The following DCLK2 variants were observed in gnomAD, a reference collection of about 807,000 sequenced individuals.
DCLK2 encodes doublecortin like kinase 2.
DCLK2 carries 31 observed loss-of-function variants against 78.4 expected under a neutral mutation model. The observed-to-expected ratio is 0.40, with a 90% CI of 0.30 to 0.53. The LOEUF (loss-of-function observed/expected upper bound fraction) is 0.53. DCLK2 is among the 20% of genes least tolerant of loss of function. The pLI is 0.61. For synonymous variants in DCLK2, 407 were observed against 374.9 expected (o/e 1.09, Z -0.99); for missense variants, 872 against 973.7 (o/e 0.90, Z 1.39).
At chr4:150,211,774 C>G (rs1320893320) in intron 5 of DCLK2, among the ~76,000 whole-genome samples, 1 of 152,152 alleles carries the variant, frequency 6.6e-6, no homozygotes, top group Admixed American at 6.5e-5. Flanking sequence ...TCTTTTAATG[C>G]TCGTCTTCCT....
chr4:150,102,734 A>G lies in DCLK2; in HGVS notation c.678A>G (p.Gln226=), dbSNP rs925652343. The change falls in exon 2 of 16, where the codon CAA becomes CAG. Residue 226 remains glutamine (Q), a synonymous_variant. Transcript: ENST00000296550. Reference sequence around the variant, plus strand: ...AAAAGACTGCTCATTCCTTTGAACAAGTCTTAACAGATATCACCGAAGCCA... The same window carrying G: ...AAAAGACTGCTCATTCCTTTGAACAGGTCTTAACAGATATCACCGAAGCCA... The part of the protein sequence containing the change: ...LNKKTAHSFE[Q]VLTDITEAIK... 3 of 1,614,164 alleles carry G rather than the reference A, an allele frequency of 1.9e-6. No individual in the cohort carries two copies. Among genetic ancestry groups the G allele is most frequent in the Non-Finnish European group, 2.5e-6 (3 of 1,180,010 alleles).
intron 2 of DCLK2, among the ~76,000 whole-genome samples, chr4:150,191,848 T>C: frequency 6.6e-6 from 1 of 152,224 alleles, no homozygotes; most frequent in South Asian, 2.1e-4. Flanking sequence ...AGCATTGTTT[T>C]CTAACTCTGT....
chr4:150,093,764 GA>G (rs1013013275), intron 1 of DCLK2, among the ~76,000 whole-genome samples: 6 of 151,932 alleles, frequency 3.9e-5, no homozygotes, highest in Non-Finnish European at 5.9e-5. Context: ...TCAATCTTGA[GA>G]AAAAAGAACA....
At chr4:150,155,099 G>A (rs1225771579) in intron 2 of DCLK2, among the ~76,000 whole-genome samples, 1 of 152,176 alleles carries the variant, frequency 6.6e-6, no homozygotes, top group Non-Finnish European at 1.5e-5. Context: ...GGGTGTGGTG[G>A]CATGCACCTG....
intron 2 of DCLK2, among the ~76,000 whole-genome samples, chr4:150,130,593 T>C (rs1733243591): frequency 1.3e-5 from 2 of 151,630 alleles, no homozygotes; most frequent in Admixed American, 1.3e-4. Context: ...AGATGGAGAG[T>C]TAAGTTTAAA....
At chr4:150,185,542 C>T (rs951692159) in intron 2 of DCLK2, among the ~76,000 whole-genome samples, 2 of 151,980 alleles carry the variant, frequency 1.3e-5, no homozygotes, top group East Asian at 1.9e-4. Context: ...GGCAAAACCC[C>T]ACCTCTACTA....
intron 10 of DCLK2, among the ~76,000 whole-genome samples, chr4:150,238,350 C>T (rs542608608): frequency 4.6e-4 from 70 of 152,028 alleles, no homozygotes; most frequent in African/African-American, 1.7e-3. Context: ...TTATGTTGCC[C>T]TTAGTTTTTA....
At chr4:150,104,394 TAAAAAAAAA>T (rs34276664) in intron 2 of DCLK2, among the ~76,000 whole-genome samples, 5 of 29,754 alleles carry the variant, frequency 1.7e-4, no homozygotes, top group East Asian at 3.0e-3. Flanking sequence ...CCACATCTCC[TAAAAAAAAA>T]AAAAAAAAAA....
rs572396602 is a variant in DCLK2 at position 150,088,020 on chromosome 4, A to T, written c.421+8572A>T. Among the ~76,000 whole-genome samples, 28 of 128,178 alleles carry T rather than the reference A, an allele frequency of 2.2e-4. No homozygotes were observed. In the East Asian group the frequency reaches 5.6e-3, roughly 26 times the overall value. 84.1% of individuals were successfully genotyped at this position (128,178 alleles called of 152,430 possible). A position where few individuals can be genotyped will look rare whatever the true frequency, so the allele number is the denominator to read the frequency against. On this transcript the variant is annotated intron_variant, in intron 1 of 15. Coordinates refer to ENST00000296550, the MANE Select transcript of DCLK2 (RefSeq NM_001040260.4). ...CAGAGAAAAACGTTTGCCTCTGAGG[A>T]TGCTACTGGGCCTTCATTTTGGGGT...
intron 2 of DCLK2, among the ~76,000 whole-genome samples, chr4:150,103,838 G>T (rs113060205): frequency 0.016 from 2,471 of 151,854 alleles, 61 homozygotes; most frequent in African/African-American, 0.053. Context: ...GGTAAAATTA[G>T]AATAACATTT....
chr4:150,142,805 ATT>A (rs144401122), intron 2 of DCLK2, among the ~76,000 whole-genome samples: 3 of 148,254 alleles, frequency 2.0e-5, no homozygotes, highest in African/African-American at 4.9e-5. Flanking sequence ...TAAAATGCTG[ATT>A]TTTTTTTTTT....
chr4:150,251,993 T>G (rs1405562760), intron 15 of DCLK2, among the ~76,000 whole-genome samples: 1 of 152,136 alleles, frequency 6.6e-6, no homozygotes, highest in Non-Finnish European at 1.5e-5. Context: ...AGTCTTTTGA[T>G]GGCTTGCAGG....
intron 2 of DCLK2, among the ~76,000 whole-genome samples, chr4:150,172,319 C>A (rs1175457539): frequency 6.6e-6 from 1 of 152,018 alleles, no homozygotes; most frequent in Non-Finnish European, 1.5e-5. Context: ...CTAAAGAAAT[C>A]CTGGCCAGGC....
At chr4:150,081,320 C>T (rs998919833) in intron 1 of DCLK2, among the ~76,000 whole-genome samples, 1 of 152,068 alleles carries the variant, frequency 6.6e-6, no homozygotes. Context: ...GTATAGATTG[C>T]GTCTTTTACC....
chr4:150,245,196 A>T (rs149564865), intron 12 of DCLK2, among the ~76,000 whole-genome samples: 1,601 of 152,272 alleles, frequency 0.011, 28 homozygotes, highest in African/African-American at 0.037. Context: ...AGGAAAGAAA[A>T]CATTTTGACA....
intron 1 of DCLK2, among the ~76,000 whole-genome samples, chr4:150,088,869 C>G (rs145917617): frequency 6.6e-6 from 1 of 152,170 alleles, no homozygotes; most frequent in Admixed American, 6.5e-5. Context: ...CCAGTTCCCC[C>G]ACGAAAGCAC....
At chr4:150,244,567 G>C (rs906187824) in intron 12 of DCLK2, among the ~76,000 whole-genome samples, 1 of 152,170 alleles carries the variant, frequency 6.6e-6, no homozygotes, top group Non-Finnish European at 1.5e-5. Context: ...GACATTTTTA[G>C]ACTTACGGCA....
chr4:150,089,126 A>G (rs1369721594), intron 1 of DCLK2, among the ~76,000 whole-genome samples: 2 of 152,238 alleles, frequency 1.3e-5, no homozygotes, highest in African/African-American at 4.8e-5. Flanking sequence ...CATTTTGGAT[A>G]AGGAATACCC....
intron 2 of DCLK2, among the ~76,000 whole-genome samples, chr4:150,128,714 T>A (rs566072645): frequency 6.6e-6 from 1 of 152,280 alleles, no homozygotes; most frequent in East Asian, 1.9e-4. Context: ...GAAATGCCAC[T>A]GGTTTCATAG....
Sources: gnomAD v4.1 joint callset for allele counts (sites outside exome capture counted in the v4.1 genomes callset) on GRCh38, gnomAD v4.1.1 for gene constraint, MANE v1.5 for transcripts, NCBI Gene and HGNC (gene_info 2026-07-23, HGNC 2026-07-21) for gene names.